ART3: variants seen among roughly 807,000 people sequenced by gnomAD.
ART3 encodes the protein ADP-ribosyltransferase 3 (inactive).
A neutral mutation model predicts 48.5 loss-of-function variants in ART3; 49 were observed. The observed-to-expected ratio is 1.01, with a 90% confidence interval of 0.80 to 1.28. The LOEUF is 1.28. Among genes scored for constraint, ART3 ranks in the 50% most tolerant of loss-of-function variants. ART3 has a pLI of 0.00. For missense variants in ART3, 438 were observed against 454.3 expected (o/e 0.96, Z 0.33); for synonymous variants, 145 against 157.2 (o/e 0.92, Z 0.58).
intron 1 of ART3, chr4:76,035,916 T>C: frequency 6.2e-7 from 1 of 1,610,682 alleles, no homozygotes; most frequent in Non-Finnish European, 8.5e-7. Flanking sequence ...GAAATAAAAA[T>C]TACTGCATAC....
intron 3 of ART3, 149 bp from the exon 4 acceptor site, chr4:76,097,495 C>T (rs2066172860): frequency 3.1e-6 from 2 of 638,464 alleles, no homozygotes; most frequent in Admixed American, 2.6e-5. Flanking sequence ...GCATGAGCCA[C>T]CATGCCCAGC....
At chr4:76,084,691 A>G (rs1377193169) in intron 3 of ART3, among the ~76,000 whole-genome samples, 1 of 152,208 alleles carries the variant, frequency 6.6e-6, no homozygotes, top group African/African-American at 2.4e-5. Context: ...GTGATCTTCC[A>G]GCACTCTCTC....
chr4:76,045,220 T>G (rs2149438095), intron 1 of ART3, among the ~76,000 whole-genome samples: 1 of 152,056 alleles, frequency 6.6e-6, no homozygotes, highest in Non-Finnish European at 1.5e-5. Context: ...TAAGAGATCA[T>G]CTCGGGCGGC....
At chr4:76,029,349 T>A (rs971341126) in intron 1 of ART3, among the ~76,000 whole-genome samples, 1 of 152,230 alleles carries the variant, frequency 6.6e-6, no homozygotes, top group African/African-American at 2.4e-5. Context: ...TTAGTAGCAG[T>A]TTATTGAGCA....
At chr4:76,054,354 G>C (rs1718470913) in intron 1 of ART3, among the ~76,000 whole-genome samples, 1 of 151,952 alleles carries the variant, frequency 6.6e-6, no homozygotes, top group African/African-American at 2.4e-5. Flanking sequence ...AGTATTTCAG[G>C]ACACATCATT....
intron 1 of ART3, among the ~76,000 whole-genome samples, chr4:76,060,147 G>C (rs1288416675): frequency 3.3e-5 from 5 of 152,228 alleles, no homozygotes; most frequent in Non-Finnish European, 7.4e-5. Flanking sequence ...TAATTAACAT[G>C]TAAGATACCC....
At chr4:76,029,943 A>G (rs1441679863) in intron 1 of ART3, among the ~76,000 whole-genome samples, 1 of 152,160 alleles carries the variant, frequency 6.6e-6, no homozygotes, top group Admixed American at 6.5e-5. Context: ...TATTTCTGTT[A>G]GTGACAGAAC....
intron 1 of ART3, among the ~76,000 whole-genome samples, chr4:76,063,041 C>A (rs1462798845): frequency 6.6e-6 from 1 of 152,152 alleles, no homozygotes. Flanking sequence ...CTTGACCACT[C>A]TATTTAATAC....
At chr4:76,052,066 C>T (rs1736163306) in intron 1 of ART3, among the ~76,000 whole-genome samples, 1 of 151,858 alleles carries the variant, frequency 6.6e-6, no homozygotes, top group Non-Finnish European at 1.5e-5. Context: ...TGCCACCATG[C>T]CCAGCTAATT....
At chr4:76,073,283 T>A (rs1720509773), upstream of ART3, among the ~76,000 whole-genome samples, 1 of 152,202 alleles carries the variant, frequency 6.6e-6, no homozygotes, top group Non-Finnish European at 1.5e-5. Context: ...CTTCTCTACC[T>A]CATTTCCTGT....
At chr4:76,069,253 G>A (rs918067960) in intron 1 of ART3, among the ~76,000 whole-genome samples, 1 of 151,928 alleles carries the variant, frequency 6.6e-6, no homozygotes, top group Non-Finnish European at 1.5e-5. Flanking sequence ...CTAAAAAGAA[G>A]CCTAGTACGC....
Position 76,040,442 on chromosome 4 carries a change from A to ACACACACACGCG in ART3, c.-10+29131_-10+29132insGCGCACACACAC, listed in dbSNP as rs778439284. On this transcript the variant is annotated intron_variant, in intron 1 of 9. Coordinates refer to the ART3 transcript ENST00000341029. Reference sequence around the variant, plus strand: ...GGATACGCACATACACTGGATACACACACACACACACACACACACACACAC... The same window carrying ACACACACACGCG: ...GGATACGCACATACACTGGATACACACACACACACGCGCACACACACACACACACACACACAC... Among the ~76,000 whole-genome samples, 243 of 115,606 alleles carry ACACACACACGCG rather than the reference A, an allele frequency of 2.1e-3. 2 individuals are homozygous for ACACACACACGCG. The highest frequency in any genetic ancestry group is 7.6e-3 in the African/African-American group (203 of 26,684). The allele number at this position is 115,606 out of a possible 152,430, so 75.8% of individuals were successfully genotyped here. A position where few individuals can be genotyped will look rare whatever the true frequency, so the allele number is the denominator to read the frequency against.
intron 1 of ART3, chr4:76,022,230 T>A (rs1347184765): frequency 1.9e-5 from 14 of 729,522 alleles, no homozygotes; most frequent in Non-Finnish European, 3.1e-5. Context: ...TTTAAATAAA[T>A]GGAGGTAGGG....
At chr4:76,092,571 T>C (rs1320262591) in intron 3 of ART3, among the ~76,000 whole-genome samples, 1 of 152,210 alleles carries the variant, frequency 6.6e-6, no homozygotes, top group Non-Finnish European at 1.5e-5. Context: ...TTTGTGTTTA[T>C]CATACTTATT....
At chr4:76,072,253 T>A (rs1023660464), upstream of ART3, among the ~76,000 whole-genome samples, 3 of 152,338 alleles carry the variant, frequency 2.0e-5, no homozygotes, top group East Asian at 1.9e-4. Flanking sequence ...TTTTTGTGAG[T>A]TATTACATTT....
At chr4:76,105,946 A>G (rs1364874103) in intron 10 of ART3, 1 of 984,602 alleles carries the variant, frequency 1.0e-6, no homozygotes, top group Non-Finnish European at 1.2e-6. Flanking sequence ...TGTGCTCCTC[A>G]CCACACTCTA....
intron 1 of ART3, chr4:76,021,811 A>T: frequency 1.0e-6 from 1 of 988,502 alleles, no homozygotes; most frequent in Non-Finnish European, 1.6e-6. Context: ...TTTTAGTGTA[A>T]CTGCAAACTA....
At chr4:76,101,131 A>G (rs1370018939) in intron 8 of ART3, 112 bp downstream of exon 8, 1 of 1,291,682 alleles carries the variant, frequency 7.7e-7, no homozygotes, top group African/African-American at 1.5e-5. Flanking sequence ...GGCAGAGCTC[A>G]CCTTAGCTTA....
At chr4:76,049,560 A>C (rs1486347003) in intron 1 of ART3, among the ~76,000 whole-genome samples, 1 of 151,924 alleles carries the variant, frequency 6.6e-6, no homozygotes, top group East Asian at 1.9e-4. Context: ...CCTTTCCCAG[A>C]CAGCCTGACA....
Sources: allele counts gnomAD v4.1 joint callset (sites outside exome capture counted in the v4.1 genomes callset), GRCh38; gene constraint gnomAD v4.1.1; transcripts MANE v1.5; gene names NCBI Gene and HGNC (gene_info 2026-07-23, HGNC 2026-07-21).